Variants in XKR6 observed in about 807,000 individuals in gnomAD.
XKR6 encodes the protein XK-related protein 6.
XKR6 carries 22 observed loss-of-function variants against 56.7 expected under a neutral mutation model. That is an observed-to-expected ratio of 0.39 (90% confidence interval 0.28 to 0.55). The LOEUF (loss-of-function observed/expected upper bound fraction) is 0.55. XKR6 is among the 20% of genes least tolerant of loss of function. The pLI, the probability that XKR6 is intolerant of heterozygous loss-of-function variation, is 0.66. For missense variants in XKR6, 852 were observed against 889.0 expected (o/e 0.96, Z 0.53); for synonymous variants, 524 against 387.8 (o/e 1.35, Z -4.13).
At chr8:10,995,072 C>T (rs1196621424) in intron 1 of XKR6, among the ~76,000 whole-genome samples, 4 of 152,190 alleles carry the variant, frequency 2.6e-5, no homozygotes, top group African/African-American at 7.2e-5. Flanking sequence ...CTGCAGCTAG[C>T]GAGACTCAGG....
intron 1 of XKR6, among the ~76,000 whole-genome samples, chr8:11,192,740 C>T (rs375026825): frequency 1.3e-5 from 2 of 152,196 alleles, no homozygotes; most frequent in East Asian, 3.9e-4. Context: ...CCTGGCCCAA[C>T]TCCCTGAGGC....
chr8:11,086,313 G>A (rs1299687061), intron 1 of XKR6, among the ~76,000 whole-genome samples: 2 of 152,034 alleles, frequency 1.3e-5, no homozygotes, highest in Non-Finnish European at 2.9e-5. Context: ...TGACCTGCAG[G>A]ACATTCTGGA....
At chr8:11,119,791 A>G (rs1302484534) in intron 1 of XKR6, among the ~76,000 whole-genome samples, 1 of 152,192 alleles carries the variant, frequency 6.6e-6, no homozygotes, top group Admixed American at 6.5e-5. Context: ...TCCTCAATAA[A>G]ATACTGGCAA....
intron 1 of XKR6, among the ~76,000 whole-genome samples, chr8:11,132,010 C>G (rs1426166131): frequency 6.6e-6 from 1 of 152,066 alleles, no homozygotes. Flanking sequence ...GCTGCTGGCC[C>G]GAAGAGCCAT....
chr8:10,953,411 G>C (rs1450906088), intron 1 of XKR6, among the ~76,000 whole-genome samples: 3 of 152,236 alleles, frequency 2.0e-5, no homozygotes, highest in Non-Finnish European at 4.4e-5. Flanking sequence ...CACCATGACT[G>C]TAAGCTTCTG....
intron 1 of XKR6, among the ~76,000 whole-genome samples, chr8:11,030,158 C>T (rs1267010212): frequency 6.6e-6 from 1 of 152,180 alleles, no homozygotes. Context: ...CAGTCCACCC[C>T]CTCTCTGTTG....
intron 1 of XKR6, chr8:11,035,264 C>T: frequency 1.9e-6 from 1 of 534,810 alleles, no homozygotes; most frequent in South Asian, 1.4e-5. Context: ...CCAGCTCACA[C>T]CATCGGGATC....
intron 1 of XKR6, among the ~76,000 whole-genome samples, chr8:10,976,509 G>C (rs1486118687): frequency 6.6e-6 from 1 of 152,168 alleles, no homozygotes; most frequent in Non-Finnish European, 1.5e-5. Flanking sequence ...CCCCCGGGTG[G>C]TGTTAGGGCT....
At chr8:10,899,055 G>C in intron 2 of XKR6, 139 bp from the exon 3 acceptor site, 1 of 1,302,598 alleles carries the variant, frequency 7.7e-7, no homozygotes, top group South Asian at 1.5e-5. Context: ...ATCAGGAACC[G>C]AACTTGGAGG....
At chr8:10,914,091 CA>C in intron 2 of XKR6, among the ~76,000 whole-genome samples, 1 of 152,186 alleles carries the variant, frequency 6.6e-6, no homozygotes, top group African/African-American at 2.4e-5. Context: ...ACCAACCTAA[CA>C]CCTCAGACTG....
At chr8:11,027,900 T>C (rs1798905758) in intron 1 of XKR6, among the ~76,000 whole-genome samples, 1 of 152,142 alleles carries the variant, frequency 6.6e-6, no homozygotes, top group Non-Finnish European at 1.5e-5. Context: ...TCCCCCATTA[T>C]CAACATCCCA....
At chr8:11,184,793 A>T (rs1803182036) in intron 1 of XKR6, among the ~76,000 whole-genome samples, 1 of 152,106 alleles carries the variant, frequency 6.6e-6, no homozygotes, top group African/African-American at 2.4e-5. Flanking sequence ...CAGCCTCCCA[A>T]AGTGCTGGGA....
chr8:10,960,220 T>C (rs543612402), intron 1 of XKR6, among the ~76,000 whole-genome samples: 7 of 150,760 alleles, frequency 4.6e-5, no homozygotes, highest in East Asian at 1.9e-4. Context: ...GGTGCAGGTA[T>C]AGCAGGTGGG....
chr8:10,909,102 G>A (rs1800271434), intron 2 of XKR6, among the ~76,000 whole-genome samples: 1 of 151,810 alleles, frequency 6.6e-6, no homozygotes, highest in African/African-American at 2.4e-5. Context: ...GGAGGTGGAG[G>A]TTGCAGTGAG....
chr8:11,054,148 C>T (rs951380692), intron 1 of XKR6, among the ~76,000 whole-genome samples: 8 of 152,078 alleles, frequency 5.3e-5, no homozygotes, highest in East Asian at 3.8e-4. Context: ...GGTGTCATTG[C>T]GGGTGGTTAA....
At chr8:11,068,807 C>G (rs1563115853) in intron 1 of XKR6, among the ~76,000 whole-genome samples, 1 of 152,170 alleles carries the variant, frequency 6.6e-6, no homozygotes, top group Non-Finnish European at 1.5e-5. Context: ...CCACCCCTGG[C>G]CAAGGTGGGC....
chr8:11,179,015 T>G (rs939084579), intron 1 of XKR6, among the ~76,000 whole-genome samples: 1 of 134,412 alleles, frequency 7.4e-6, no homozygotes, highest in Non-Finnish European at 1.5e-5. Flanking sequence ...GCTAATTTTC[T>G]TTTTCTTTTT....
chr8:11,166,957 T>C (rs1359661983), intron 1 of XKR6, among the ~76,000 whole-genome samples: 2 of 152,138 alleles, frequency 1.3e-5, no homozygotes, highest in African/African-American at 2.4e-5. Flanking sequence ...ATTGAGGTGA[T>C]TGCCAGGGAG....
chr8:10,959,096 T>A (rs761197131), intron 1 of XKR6, among the ~76,000 whole-genome samples: 4 of 152,164 alleles, frequency 2.6e-5, no homozygotes, highest in Non-Finnish European at 5.9e-5. Flanking sequence ...ACTTTGGGTG[T>A]TGGCTCGCTT....
Sources: gnomAD v4.1 joint callset for allele counts (sites outside exome capture counted in the v4.1 genomes callset) on GRCh38, gnomAD v4.1.1 for gene constraint, MANE v1.5 for transcripts, NCBI Gene and HGNC (gene_info 2026-07-23, HGNC 2026-07-21) for gene names.